The following WIF1 variants were observed in gnomAD, a reference collection of about 807,000 sequenced individuals.
WIF1 encodes Wnt inhibitory factor 1.
In WIF1, 35 loss-of-function variants were observed where a neutral mutation model predicts 53.5. The ratio of observed to expected loss-of-function variants is 0.65; its 90% confidence interval spans 0.50 to 0.87. WIF1 has a LOEUF of 0.87. WIF1 is among the 40% of genes least tolerant of loss of function. The pLI is 0.00. For missense variants in WIF1, 467 were observed against 476.8 expected (o/e 0.98, Z 0.19); for synonymous variants, 171 against 170.4 (o/e 1.00, Z -0.03).
intron 3 of WIF1, among the ~76,000 whole-genome samples, chr12:65,072,694 A>T (rs1212826075): frequency 6.6e-6 from 1 of 152,182 alleles, no homozygotes; most frequent in Non-Finnish European, 1.5e-5. Context: ...AGCAACATGC[A>T]CTCAGAAAAA....
chr12:65,076,896 CAA>C (rs532201144), intron 3 of WIF1, among the ~76,000 whole-genome samples: 3 of 132,192 alleles, frequency 2.3e-5, no homozygotes, highest in African/African-American at 8.1e-5. Context: ...AGGTTAAAAG[CAA>C]AAAAAAAAAA....
chr12:65,065,685 CAT>C (rs1382100429), intron 6 of WIF1, among the ~76,000 whole-genome samples: 46 of 152,252 alleles, frequency 3.0e-4, no homozygotes, highest in African/African-American at 8.4e-4. Flanking sequence ...TATCTTAACT[CAT>C]ATGTTTATTG....
intron 2 of WIF1, among the ~76,000 whole-genome samples, chr12:65,093,711 C>T (rs1883159495): frequency 6.6e-6 from 1 of 152,072 alleles, no homozygotes; most frequent in Non-Finnish European, 1.5e-5. Flanking sequence ...CAACTGTCAT[C>T]TTTTAGTGAT....
chr12:65,055,420 C>T (rs944982756), intron 8 of WIF1, among the ~76,000 whole-genome samples: 1 of 152,066 alleles, frequency 6.6e-6, no homozygotes, highest in Admixed American at 6.6e-5. Flanking sequence ...ATTTTTCATT[C>T]GCAAAAGACA....
In WIF1 at chr12:65,121,277, A is replaced by T; in HGVS notation, c.-86T>A. ...GCCGTCAGATACTCTGCTGCGCTGC[A>T]GCTCCCTCAGCCAGGGCTGTTCCCG... On this transcript the variant is annotated 5_prime_UTR_variant, in exon 1 of 10. Coordinates refer to ENST00000286574, the MANE Select transcript of WIF1 (RefSeq NM_007191.5). The T allele has an allele frequency of 4.5e-6, 6 of 1,337,430 alleles. No individual in the cohort carries two copies. The highest frequency in any genetic ancestry group is 5.8e-6 in the Non-Finnish European group (6 of 1,039,570). 82.8% of individuals were successfully genotyped at this position (1,337,430 alleles called of 1,614,324 possible).
At chr12:65,055,808 C>G (rs1327934162) in intron 8 of WIF1, among the ~76,000 whole-genome samples, 3 of 152,124 alleles carry the variant, frequency 2.0e-5, no homozygotes, top group Admixed American at 1.3e-4. Context: ...AAGAAACCAC[C>G]TTGTAGTTAA....
intron 2 of WIF1, among the ~76,000 whole-genome samples, chr12:65,118,877 G>GGA (rs113774958): frequency 1.3e-5 from 2 of 151,270 alleles, no homozygotes; most frequent in African/African-American, 2.4e-5. Flanking sequence ...AGGGAGAGGG[G>GGA]GAGAGAGAGA....
At chr12:65,084,022 G>A (rs972444160) in intron 2 of WIF1, among the ~76,000 whole-genome samples, 7 of 151,636 alleles carry the variant, frequency 4.6e-5, no homozygotes, top group Non-Finnish European at 7.4e-5. Context: ...TTTCTTTTTA[G>A]CTGCCAATGG....
chr12:65,104,624 G>T (rs1192827524), intron 2 of WIF1, among the ~76,000 whole-genome samples: 1 of 152,092 alleles, frequency 6.6e-6, no homozygotes, highest in Non-Finnish European at 1.5e-5. Flanking sequence ...ATTAGATAAC[G>T]ATGAAAAATA....
At chr12:65,108,223 T>C (rs977971605) in intron 2 of WIF1, among the ~76,000 whole-genome samples, 1 of 152,198 alleles carries the variant, frequency 6.6e-6, no homozygotes, top group African/African-American at 2.4e-5. Flanking sequence ...CAATTTACAT[T>C]AGTCTTGTTC....
chr12:65,093,372 T>G (rs1229597128), intron 2 of WIF1, among the ~76,000 whole-genome samples: 1 of 149,186 alleles, frequency 6.7e-6, no homozygotes, highest in Non-Finnish European at 1.5e-5. Flanking sequence ...TCATAGTCTG[T>G]TTTTTTTGTT....
chr12:65,106,165 T>A (rs1883348283), intron 2 of WIF1, among the ~76,000 whole-genome samples: 1 of 151,992 alleles, frequency 6.6e-6, no homozygotes, highest in Middle Eastern at 3.4e-3. Context: ...TATGAGTAAA[T>A]GAAACAGAAT....
At chr12:65,091,551 C>A (rs1883123612) in intron 2 of WIF1, among the ~76,000 whole-genome samples, 1 of 151,754 alleles carries the variant, frequency 6.6e-6, no homozygotes, top group Non-Finnish European at 1.5e-5. Flanking sequence ...TCCTATATAA[C>A]CAATTTCCTG....
chr12:65,076,915 C>T (rs546614169), intron 3 of WIF1, among the ~76,000 whole-genome samples: 17 of 150,674 alleles, frequency 1.1e-4, no homozygotes, highest in East Asian at 9.8e-4. Flanking sequence ...AAAATCATGA[C>T]GCAAAACCAA....
At chr12:65,120,637 C>T in intron 1 of WIF1, 81 bp from the exon 2 acceptor site, 2 of 1,502,156 alleles carry the variant, frequency 1.3e-6, no homozygotes, top group Non-Finnish European at 9.0e-7. Flanking sequence ...AAAAGAAAAC[C>T]AAAGAATTAG....
At chr12:65,061,276 C>G (rs1273179688) in intron 7 of WIF1, among the ~76,000 whole-genome samples, 2 of 152,150 alleles carry the variant, frequency 1.3e-5, no homozygotes, top group Non-Finnish European at 2.9e-5. Flanking sequence ...CAAACAGGAA[C>G]TTAGTCTTAT....
At chr12:65,090,863 G>A (rs1016643554) in intron 2 of WIF1, among the ~76,000 whole-genome samples, 1 of 152,116 alleles carries the variant, frequency 6.6e-6, no homozygotes, top group Non-Finnish European at 1.5e-5. Flanking sequence ...GTGCAGTGTG[G>A]TAGCAGGAGT....
intron 6 of WIF1, 79 bp from the exon 7 acceptor site, chr12:65,062,655 AT>A: frequency 7.7e-7 from 1 of 1,295,972 alleles, no homozygotes; most frequent in Non-Finnish European, 1.1e-6. Flanking sequence ...GTGAGGTGCT[AT>A]TTTTTAGGCA....
At chr12:65,068,351 T>C (rs779373291) in intron 4 of WIF1, among the ~76,000 whole-genome samples, 5 of 151,988 alleles carry the variant, frequency 3.3e-5, no homozygotes, top group Non-Finnish European at 5.9e-5. Context: ...AGAGGTTATA[T>C]TAGTGTTGCC....
Sources: allele counts gnomAD v4.1 joint callset (sites outside exome capture counted in the v4.1 genomes callset), GRCh38; gene constraint gnomAD v4.1.1; transcripts MANE v1.5; gene names NCBI Gene and HGNC (gene_info 2026-07-23, HGNC 2026-07-21).